TTC39C: variants seen among roughly 807,000 people sequenced by gnomAD.
TTC39C encodes tetratricopeptide repeat protein 39C.
A neutral mutation model predicts 76.3 loss-of-function variants in TTC39C; 33 were observed. The ratio of observed to expected loss-of-function variants is 0.43; its 90% CI spans 0.33 to 0.58. The LOEUF (loss-of-function observed/expected upper bound fraction) is 0.58, where lower values mean the gene tolerates loss of function less well. Among genes scored for constraint, TTC39C ranks in the 20% least tolerant of loss-of-function variants. The pLI is 0.04. For synonymous variants in TTC39C, 254 were observed against 260.6 expected (o/e 0.97, Z 0.24); for missense variants, 595 against 701.4 (o/e 0.85, Z 1.71).
intron 1 of TTC39C, chr18:24,022,942 G>T (rs571865482): frequency 1.1e-6 from 1 of 928,340 alleles, no homozygotes; most frequent in South Asian, 5.0e-5. Context: ...ACCTTTATCC[G>T]GCACTTGTGT....
At chr18:24,039,967 A>G (rs4800173) in intron 1 of TTC39C, among the ~76,000 whole-genome samples, 91,201 of 152,030 alleles carry the variant, frequency 0.6, 31,563 homozygotes, top group Non-Finnish European at 0.79. Context: ...GGATTAAGCA[A>G]TGTTATAATT....
At chr18:24,045,277 A>AAAAAAAG (rs1272232524) in intron 1 of TTC39C, among the ~76,000 whole-genome samples, 1 of 150,994 alleles carries the variant, frequency 6.6e-6, no homozygotes, top group Non-Finnish European at 1.5e-5. Flanking sequence ...TCCAAAAAAA[A>AAAAAAAG]AAAAAAGCAT....
At chr18:24,113,570 G>T (rs1360258298) in intron 6 of TTC39C, 1 of 702,402 alleles carries the variant, frequency 1.4e-6, no homozygotes, top group East Asian at 2.7e-5. Flanking sequence ...AGGGCAGTGA[G>T]AGGAGCCCTG....
rs1555779358 is a variant in TTC39C, at chr18:24,134,257, G to GTTGTTTTTTTTTTTTT, written c.*1685_*1686insGTTTTTTTTTTTTTTT. On this transcript the variant is annotated 3_prime_UTR_variant, in exon 14 of 14. Transcript: ENST00000317571. ...TGGTGCCCAAAAATATTGGACATCT[G>GTTGTTTTTTTTTTTTT]TTTTTTGTTTTTTTTTTTTTTTTTT... The GTTGTTTTTTTTTTTTT allele has an allele frequency of 3.1e-4, 15 of 48,724 alleles. 4 individuals are homozygous for GTTGTTTTTTTTTTTTT. The highest frequency in any genetic ancestry group is 8.4e-4 in the African/African-American group (14 of 16,746). 3.0% of individuals were successfully genotyped at this position (48,724 alleles called of 1,614,324 possible).
chr18:24,035,719 A>G (rs1334281790), intron 1 of TTC39C, among the ~76,000 whole-genome samples: 1 of 149,864 alleles, frequency 6.7e-6, no homozygotes, highest in Non-Finnish European at 1.5e-5. Context: ...TTCCCCCCCC[A>G]TTCCATGGAT....
At chr18:24,036,014 C>T (rs7241429) in intron 1 of TTC39C, among the ~76,000 whole-genome samples, 6,936 of 151,536 alleles carry the variant, frequency 0.046, 528 homozygotes, top group African/African-American at 0.16. Context: ...GTTTTCCCAG[C>T]ACTGTTTGTT....
Position 24,086,929 on chromosome 18 carries a change from T to G in TTC39C, c.984+3848T>G, listed in dbSNP as rs1246498867. Among the ~76,000 whole-genome samples the G allele has an allele frequency of 2.6e-5, 4 of 152,086 alleles. No homozygotes were observed. The South Asian group carries it at 6.2e-4, about 24-fold the overall frequency. ...CATTTTCGTGTTTTGTTTTTTTTTT[T>G]CTTTTGGGGAAAAAGAACTTGTTTG... On this transcript the variant is annotated intron_variant, in intron 6 of 13. Transcript: ENST00000317571.
Position 24,022,942 on chromosome 18 carries a change from G to A in TTC39C, c.167+7904G>A, listed in dbSNP as rs571865482. The stretch of plus-strand genomic sequence containing the variant: ...CGGCATCCCATCCTTACCTTTATCC[G>A]GCACTTGTGTTGCATCAAAATTGTT... On this transcript the variant is annotated intron_variant, in intron 1 of 13. Transcript: ENST00000317571. The A allele has an allele frequency of 6.8e-5, 63 of 928,220 alleles. 1 individual carries two copies. The highest frequency in any genetic ancestry group is 8.9e-5 in the African/African-American group (5 of 55,950). 57.5% of individuals were successfully genotyped at this position (928,220 alleles called of 1,614,324 possible). A position where few individuals can be genotyped will look rare whatever the true frequency, so the allele number is the denominator to read the frequency against.
chr18:24,112,472 A>C (rs1298831968), intron 6 of TTC39C, among the ~76,000 whole-genome samples: 1 of 152,186 alleles, frequency 6.6e-6, no homozygotes, highest in Non-Finnish European at 1.5e-5. Flanking sequence ...ATACATACCT[A>C]CCTCAGAGAG....
At chr18:23,995,562 TA>T (rs1160780492) in intron 1 of TTC39C, among the ~76,000 whole-genome samples, 1 of 152,220 alleles carries the variant, frequency 6.6e-6, no homozygotes, top group Non-Finnish European at 1.5e-5. Flanking sequence ...ATCTAGGTCG[TA>T]TGAGTCAATA....
At chr18:24,097,940 T>G (rs1239708799) in intron 6 of TTC39C, among the ~76,000 whole-genome samples, 1 of 152,182 alleles carries the variant, frequency 6.6e-6, no homozygotes, top group African/African-American at 2.4e-5. Flanking sequence ...TATGGGCTTA[T>G]TTTGGTGTAA....
chr18:24,072,877 A>T (rs1052273567), intron 4 of TTC39C, among the ~76,000 whole-genome samples: 1 of 152,202 alleles, frequency 6.6e-6, no homozygotes, highest in Non-Finnish European at 1.5e-5. Flanking sequence ...TCTTGGCAAC[A>T]TATATACTCT....
chr18:23,998,549 G>T (rs976958369), intron 1 of TTC39C, among the ~76,000 whole-genome samples: 2 of 152,148 alleles, frequency 1.3e-5, no homozygotes, highest in African/African-American at 4.8e-5. Flanking sequence ...GGTGGAGGTT[G>T]CAGTGAGCTG....
At chr18:24,065,910 A>T in intron 2 of TTC39C, 102 bp from the exon 3 acceptor site, 1 of 1,231,762 alleles carries the variant, frequency 8.1e-7, no homozygotes, top group Non-Finnish European at 1.1e-6. Context: ...GCTTGCAATA[A>T]ATAATTTAAG....
At chr18:24,109,914 G>A (rs952451130) in intron 6 of TTC39C, among the ~76,000 whole-genome samples, 1 of 152,090 alleles carries the variant, frequency 6.6e-6, no homozygotes, top group Non-Finnish European at 1.5e-5. Flanking sequence ...GCTGAGGCAT[G>A]AAAATCACTT....
At chr18:24,070,328 T>C (rs779138352) in intron 4 of TTC39C, among the ~76,000 whole-genome samples, 2 of 152,232 alleles carry the variant, frequency 1.3e-5, no homozygotes, top group Non-Finnish European at 2.9e-5. Flanking sequence ...TTCTCAGGAC[T>C]CTTCTAACAA....
At chr18:24,104,221 C>T (rs562768475) in intron 6 of TTC39C, among the ~76,000 whole-genome samples, 4 of 152,136 alleles carry the variant, frequency 2.6e-5, no homozygotes, top group East Asian at 1.9e-4. Context: ...CATGAGCTAC[C>T]GCACCTAGCC....
intron 8 of TTC39C, among the ~76,000 whole-genome samples, chr18:24,119,418 A>G (rs1194676910): frequency 1.3e-5 from 2 of 152,242 alleles, no homozygotes; most frequent in African/African-American, 4.8e-5. Flanking sequence ...CTTAACGTTC[A>G]GATTTAATGA....
At position 24,015,047 on chromosome 18, in the gene TTC39C, C is replaced by A. The variant is rs2083435459; in HGVS notation, c.167+9C>A. Reference sequence around the variant, plus strand: ...CTTTTCAAACAATACAGGTGACCCACGCGTCCCCGATTCCCCAACCCTGCA... The same window carrying A: ...CTTTTCAAACAATACAGGTGACCCAAGCGTCCCCGATTCCCCAACCCTGCA... On this transcript the variant is annotated intron_variant, in intron 1 of 13. Transcript: ENST00000317571. The A allele has an allele frequency of 4.9e-6, 7 of 1,425,444 alleles. No individual in the cohort carries two copies. In the Admixed American group the frequency reaches 8.8e-5, roughly 18 times the overall value. 88.3% of individuals were successfully genotyped at this position (1,425,444 alleles called of 1,614,324 possible). A position where few individuals can be genotyped will look rare whatever the true frequency, so the allele number is the denominator to read the frequency against.
Sources: gnomAD v4.1 joint callset for allele counts (sites outside exome capture counted in the v4.1 genomes callset) on GRCh38, gnomAD v4.1.1 for gene constraint, MANE v1.5 for transcripts, NCBI Gene and HGNC (gene_info 2026-07-23, HGNC 2026-07-21) for gene names.